BBS9: variants seen among roughly 807,000 people sequenced by gnomAD.
The protein encoded by BBS9 is Bardet-Biedl syndrome 9.
BBS9 carries 89 observed loss-of-function variants against 117.7 expected under a neutral mutation model. The observed-to-expected ratio is 0.76, with a 90% CI of 0.64 to 0.90. BBS9 has a LOEUF of 0.90. BBS9 is among the 40% of genes least tolerant of loss of function. The pLI is 0.00. For synonymous variants in BBS9, 379 were observed against 370.9 expected, an observed-to-expected ratio of 1.02 and a Z score of -0.25; for missense variants, 982 against 1,042.2, an observed-to-expected ratio of 0.94 and a Z score of 0.80.
chr7:33,243,795 T>A (rs1794907747), intron 5 of BBS9, among the ~76,000 whole-genome samples: 1 of 152,212 alleles, frequency 6.6e-6, no homozygotes, highest in East Asian at 1.9e-4. Context: ...AAAGAGCTAA[T>A]GTAAGTAAGT....
chr7:33,211,127 C>T (rs1354266803), intron 5 of BBS9, among the ~76,000 whole-genome samples: 1 of 152,102 alleles, frequency 6.6e-6, no homozygotes, highest in Admixed American at 6.5e-5. Flanking sequence ...ATGCATTCAG[C>T]CACTCTGTGT....
At chr7:33,625,162 C>G (rs958518801) in intron 21 of BBS9, among the ~76,000 whole-genome samples, 4 of 152,040 alleles carry the variant, frequency 2.6e-5, no homozygotes, top group African/African-American at 4.8e-5. Context: ...TGACGAAGCA[C>G]AAAATTATAG....
chr7:33,600,529 C>T lies in BBS9; in HGVS notation c.2522-4336C>T, dbSNP rs553350910. 1.3e-3 allele frequency among the ~76,000 whole-genome samples: 204 copies of T among 152,124 alleles called. 2 individuals are homozygous for T. The highest frequency in any genetic ancestry group is 3.6e-3 in the Admixed American group (55 of 15,278). On this transcript the variant is annotated intron_variant, in intron 21 of 22. Transcript: ENST00000242067. ...TAATAAATTGAAACTTTCTAGCAGG[C>T]CCGACTCTGCATAGCTAAGTCAGAG...
At chr7:33,386,774 G>A (rs1224272355) in intron 18 of BBS9, among the ~76,000 whole-genome samples, 4 of 152,176 alleles carry the variant, frequency 2.6e-5, no homozygotes, top group Non-Finnish European at 4.4e-5. Context: ...GATTACAGGC[G>A]TGAGCCACCG....
At chr7:33,592,889 TCTTA>T (rs1433545268) in intron 21 of BBS9, among the ~76,000 whole-genome samples, 2 of 152,108 alleles carry the variant, frequency 1.3e-5, no homozygotes, top group African/African-American at 2.4e-5. Context: ...GGAGTTATGC[TCTTA>T]CTATTTCATT....
chr7:33,552,828 C>T (rs1478662674), intron 21 of BBS9, among the ~76,000 whole-genome samples: 7 of 152,112 alleles, frequency 4.6e-5, no homozygotes, highest in African/African-American at 1.4e-4. Context: ...TCTTTCTGTT[C>T]TTTCTCAGAA....
intron 19 of BBS9, among the ~76,000 whole-genome samples, chr7:33,491,731 G>A (rs2128995018): frequency 1.3e-5 from 2 of 152,138 alleles, no homozygotes; most frequent in Middle Eastern, 6.8e-3. Flanking sequence ...GAGAAGATGT[G>A]GAGATTATGA....
At chr7:33,580,117 C>T (rs1368094415) in intron 21 of BBS9, among the ~76,000 whole-genome samples, 1 of 151,706 alleles carries the variant, frequency 6.6e-6, no homozygotes, top group Non-Finnish European at 1.5e-5. Flanking sequence ...CTTATTACCC[C>T]CCTACTTTAT....
chr7:33,475,967 G>C (rs1426269872), intron 19 of BBS9, among the ~76,000 whole-genome samples: 2 of 152,134 alleles, frequency 1.3e-5, no homozygotes, highest in African/African-American at 4.8e-5. Flanking sequence ...AGAAAGTTTA[G>C]AGTCTGGTGC....
chr7:33,513,590 C>T (rs1423259962), intron 20 of BBS9, among the ~76,000 whole-genome samples: 1 of 152,078 alleles, frequency 6.6e-6, no homozygotes, highest in African/African-American at 2.4e-5. Flanking sequence ...TTCCACACCC[C>T]TCCCCTTTTT....
chr7:33,152,584 A>C, intron 2 of BBS9, 117 bp from the exon 3 acceptor site: 1 of 997,468 alleles, frequency 1.0e-6, no homozygotes, highest in Non-Finnish European at 1.5e-6. Context: ...TGTATAAAGC[A>C]AGACTGAATT....
chr7:33,398,365 T>G (rs1010810839), intron 19 of BBS9, among the ~76,000 whole-genome samples: 1 of 152,186 alleles, frequency 6.6e-6, no homozygotes, highest in African/African-American at 2.4e-5. Context: ...ATGAGTTAGT[T>G]TATTCCTGTT....
intron 21 of BBS9, among the ~76,000 whole-genome samples, chr7:33,611,618 A>G (rs1051457365): frequency 3.0e-4 from 41 of 135,334 alleles, no homozygotes; most frequent in African/African-American, 1.2e-3. Context: ...AATTAATATT[A>G]ATTATTTAAT....
intron 21 of BBS9, among the ~76,000 whole-genome samples, chr7:33,625,805 G>T (rs1865610748): frequency 6.6e-6 from 1 of 152,130 alleles, no homozygotes; most frequent in Non-Finnish European, 1.5e-5. Context: ...CCACAGTTAA[G>T]GATTAGCAGT....
At chr7:33,520,270 C>T (rs907258593) in intron 20 of BBS9, among the ~76,000 whole-genome samples, 12 of 152,126 alleles carry the variant, frequency 7.9e-5, no homozygotes, top group African/African-American at 2.9e-4. Flanking sequence ...CCTCGGCCTC[C>T]CAAAGTGCTG....
At chr7:33,272,930 A>G (rs564815265) in intron 7 of BBS9, 82 bp from the exon 8 acceptor site, 21 of 1,366,230 alleles carry the variant, frequency 1.5e-5, no homozygotes, top group African/African-American at 7.1e-5. Context: ...TTGTAAAGCA[A>G]TTTCTTAATT....
At chr7:33,321,421 T>G (rs1487851139) in intron 9 of BBS9, among the ~76,000 whole-genome samples, 1 of 152,156 alleles carries the variant, frequency 6.6e-6, no homozygotes, top group Non-Finnish European at 1.5e-5. Flanking sequence ...AAGTGTTTTA[T>G]AGTTTTCATT....
At position 33,505,459 on chromosome 7, in the gene BBS9, G is replaced by T. The variant is rs769866686; in HGVS notation, c.2116-4G>T. The T allele has an allele frequency of 3.1e-6, 5 of 1,613,922 alleles. No individual in the cohort carries two copies. In the Admixed American group the frequency reaches 6.7e-5, roughly 22 times the overall value. On this transcript the variant is annotated splice_polypyrimidine_tract_variant and splice_region_variant and intron_variant, in intron 19 of 22. Transcript: ENST00000242067. ...TCCCTAACCGAAGTTTGTAATATCT[G>T]CAGGTAATTGCTCTAGCAGATGCAG...
chr7:33,307,433 T>G (rs558335307), intron 9 of BBS9, among the ~76,000 whole-genome samples: 1 of 152,334 alleles, frequency 6.6e-6, no homozygotes, highest in South Asian at 2.1e-4. Context: ...AGCAGTGACA[T>G]GTGTTTACAA....
Sources: allele counts gnomAD v4.1 joint callset (sites outside exome capture counted in the v4.1 genomes callset), GRCh38; gene constraint gnomAD v4.1.1; transcripts MANE v1.5; gene names NCBI Gene and HGNC (gene_info 2026-07-23, HGNC 2026-07-21).